The following ITGAV variants were observed in gnomAD, a reference collection of about 807,000 sequenced individuals.
The protein encoded by ITGAV is integrin alpha-V.
A neutral mutation model predicts 143.8 loss-of-function variants in ITGAV; 76 were observed. The observed-to-expected ratio is 0.53, with a 90% CI of 0.44 to 0.64. ITGAV has a LOEUF of 0.64. Among genes scored for constraint, ITGAV ranks in the 30% least tolerant of loss-of-function variants. The pLI is 0.00. For synonymous variants in ITGAV, 453 were observed against 446.7 expected (o/e 1.01, Z -0.18); for missense variants, 1,193 against 1,274.7 (o/e 0.94, Z 0.98).
chr2:186,658,126 T>C (rs1688642004), intron 17 of ITGAV, among the ~76,000 whole-genome samples: 1 of 152,116 alleles, frequency 6.6e-6, no homozygotes. Flanking sequence ...AAAAGATACA[T>C]AAACCAAGTT....
intron 3 of ITGAV, among the ~76,000 whole-genome samples, chr2:186,625,035 A>T (rs371554286): frequency 6.6e-6 from 1 of 152,180 alleles, no homozygotes; most frequent in Admixed American, 6.5e-5. Context: ...TACCACTATG[A>T]TAAGAAATTT....
intron 12 of ITGAV, chr2:186,641,840 C>T: frequency 4.0e-6 from 2 of 494,658 alleles, no homozygotes; most frequent in Non-Finnish European, 7.2e-6. Flanking sequence ...AGAATGATTA[C>T]TTTCTGAAAG....
chr2:186,648,128 C>A (rs1252887186), intron 13 of ITGAV, among the ~76,000 whole-genome samples: 2 of 152,150 alleles, frequency 1.3e-5, no homozygotes, highest in Non-Finnish European at 2.9e-5. Context: ...CCCTTTGTAA[C>A]AAATAGCTGC....
chr2:186,619,058 T>C (rs1201331054), intron 2 of ITGAV, among the ~76,000 whole-genome samples: 1 of 146,994 alleles, frequency 6.8e-6, no homozygotes. Context: ...TATATGTATG[T>C]ATGTGTATAT....
chr2:186,676,885 G>A lies in ITGAV; in HGVS notation c.3001G>A (p.Val1001Ile). 6.2e-7 allele frequency: 1 copy of A among 1,614,070 alleles called. No homozygotes were observed. The highest frequency in any genetic ancestry group is 8.5e-7 in the Non-Finnish European group (1 of 1,179,978). Reference protein sequence around the residue: ...PVPVWVIILAVLAGLLLLAVL... With the variant: ...PVPVWVIILAILAGLLLLAVL... Reference sequence around the variant, plus strand: ...GCCTGTGTGGGTGATCATTTTAGCAGTTCTAGCAGGATTGTTGCTACTGGC... The same window carrying A: ...GCCTGTGTGGGTGATCATTTTAGCAATTCTAGCAGGATTGTTGCTACTGGC... The change falls in exon 29 of 30, where the codon GTT becomes ATT. Residue 1001 changes from valine (V) to isoleucine (I), a missense_variant. Val to Ile is a conservative substitution (Grantham distance 29). Transcript: ENST00000261023.
chr2:186,644,081 C>T (rs1303743284), intron 12 of ITGAV, among the ~76,000 whole-genome samples: 1 of 152,100 alleles, frequency 6.6e-6, no homozygotes, highest in Non-Finnish European at 1.5e-5. Flanking sequence ...GTAGCTGGGA[C>T]TACCAATGTG....
At position 186,625,526 on chromosome 2, in the gene ITGAV, T is replaced by C. The variant is rs1292363029; in HGVS notation, c.462T>C (p.Pro154=). 1 of 1,613,918 alleles carries C rather than the reference T, an allele frequency of 6.2e-7. No homozygotes were observed. Among genetic ancestry groups the C allele is most frequent in the Non-Finnish European group, 8.5e-7 (1 of 1,179,996 alleles). Residue 154 remains proline (P), a synonymous_variant, in exon 4 of 30, where the codon CCT becomes CCC. Coordinates refer to ENST00000261023, the MANE Select transcript of ITGAV (RefSeq NM_002210.5). ...WRTEMKQERE[P]VGTCFLQDGT... Reference sequence around the variant, plus strand: ...CTGAGATGAAACAGGAGCGAGAGCCTGTTGGAACATGCTTTCTTCAAGATG... The same window carrying C: ...CTGAGATGAAACAGGAGCGAGAGCCCGTTGGAACATGCTTTCTTCAAGATG...
chr2:186,675,807 T>C lies in ITGAV; in HGVS notation c.2821-13T>C. ...GATATCTGGGAAATCATCTAATTGT[T>C]ATTTCCAAACAGAAAGAAAATCAGA... On this transcript the variant is annotated splice_polypyrimidine_tract_variant and intron_variant, in intron 27 of 29. Transcript: ENST00000261023. 6.4e-7 allele frequency: 1 copy of C among 1,570,266 alleles called. No individual in the cohort carries two copies. Among genetic ancestry groups the C allele is most frequent in the Non-Finnish European group, 8.7e-7 (1 of 1,143,154 alleles).
intron 12 of ITGAV, among the ~76,000 whole-genome samples, chr2:186,645,218 G>C (rs1329756686): frequency 6.6e-6 from 1 of 152,158 alleles, no homozygotes; most frequent in African/African-American, 2.4e-5. Flanking sequence ...GTAGGGGGTC[G>C]AGAGGGGTGG....
Position 186,593,771 on chromosome 2 carries a change from T to A in ITGAV, c.185+3248T>A, listed in dbSNP as rs984583979. On this transcript the variant is annotated intron_variant, in intron 1 of 29. Transcript: ENST00000261023. ...GGCAGAACCGTTTGCAGTCTAGTTA[T>A]TTGAGTAGGTTGGTGTGAGTAGAGG... 3.9e-5 allele frequency among the ~76,000 whole-genome samples: 3 copies of A among 77,464 alleles called. No individual in the cohort carries two copies. In the East Asian group the frequency reaches 2.1e-3, roughly 54 times the overall value. The allele number at this position is 77,464 out of a possible 152,430, so 50.8% of individuals were successfully genotyped here.
At chr2:186,602,714 TA>T (rs1391694105) in intron 2 of ITGAV, among the ~76,000 whole-genome samples, 3 of 151,962 alleles carry the variant, frequency 2.0e-5, no homozygotes, top group African/African-American at 7.3e-5. Flanking sequence ...CCATCTCTAC[TA>T]AAAATACAAA....
intron 17 of ITGAV, among the ~76,000 whole-genome samples, chr2:186,657,577 T>G (rs148373292): frequency 2.1e-3 from 323 of 152,216 alleles, no homozygotes; most frequent in African/African-American, 7.4e-3. Context: ...ATCACAACAG[T>G]AGAATGTAAA....
At chr2:186,662,709 T>A (rs1190572818) in intron 18 of ITGAV, among the ~76,000 whole-genome samples, 1 of 152,224 alleles carries the variant, frequency 6.6e-6, no homozygotes, top group Non-Finnish European at 1.5e-5. Context: ...AGAAACAGAA[T>A]GCAAAATATT....
rs1289481603 is a variant in ITGAV, at chr2:186,680,284, C to A, written c.*2992C>A. 1 of 152,270 alleles carries A rather than the reference C, an allele frequency of 6.6e-6. No individual in the cohort carries two copies. Among genetic ancestry groups the A allele is most frequent in the African/African-American group, 2.4e-5 (1 of 41,414 alleles). The allele number at this position is 152,270 out of a possible 1,614,324, so 9.4% of individuals were successfully genotyped here. On this transcript the variant is annotated 3_prime_UTR_variant, in exon 30 of 30. Transcript: ENST00000261023. ...AAAATGATTGTAGGATCAAAAAAGG[C>A]AGATGAAATTACTTAATACTCAGTG... is the stretch of plus-strand genomic sequence containing the variant.
intron 29 of ITGAV, 89 bp from the exon 30 acceptor site, chr2:186,677,108 T>C (rs866360151): frequency 1.6e-5 from 20 of 1,268,276 alleles, no homozygotes; most frequent in Non-Finnish European, 2.2e-5. Flanking sequence ...ACAATTTAAA[T>C]GTTCTTAGTG....
At position 186,639,144 on chromosome 2, in the gene ITGAV, A is replaced by G. The variant is rs537927062; in HGVS notation, c.903+679A>G. Among the ~76,000 whole-genome samples the G allele has an allele frequency of 1.5e-4, 23 of 152,328 alleles. No individual in the cohort carries two copies. In the South Asian group the frequency reaches 4.6e-3, roughly 30 times the overall value. On this transcript the variant is annotated intron_variant, in intron 10 of 29. Coordinates refer to ENST00000261023, the MANE Select transcript of ITGAV (RefSeq NM_002210.5). ...ATTTCTCAGCTAAAAAAATGCTAGT[A>G]CTTTTTAAGTATTAGACATTTCTCT... is the stretch of plus-strand genomic sequence containing the variant.
At chr2:186,654,170 TAAAAATAC>T (rs1340923801) in intron 15 of ITGAV, among the ~76,000 whole-genome samples, 1 of 152,006 alleles carries the variant, frequency 6.6e-6, no homozygotes, top group East Asian at 1.9e-4. Flanking sequence ...CTGTCTCTAC[TAAAAATAC>T]AAAAATTAGC....
rs1230883573 is a variant in ITGAV, at chr2:186,600,425, GA to G, written c.186-1595del. The G allele has an allele frequency of 5.9e-6, 9 of 1,537,656 alleles. No individual in the cohort carries two copies. The East Asian group carries it at 2.0e-4, about 34-fold the overall frequency. On this transcript the variant is annotated intron_variant, in intron 1 of 29. Transcript: ENST00000261023. ...ACTTCTCTGTCTACTTTATCTAAAA[GA>G]GAACTTTCTTCCCCATTCTTTAAAG...
chr2:186,613,380 C>A (rs1418770773), intron 2 of ITGAV, among the ~76,000 whole-genome samples: 2 of 152,150 alleles, frequency 1.3e-5, no homozygotes, highest in Non-Finnish European at 2.9e-5. Flanking sequence ...TAATAACTAA[C>A]TAACTCAATG....
Sources: allele counts gnomAD v4.1 joint callset (sites outside exome capture counted in the v4.1 genomes callset), GRCh38; gene constraint gnomAD v4.1.1; transcripts MANE v1.5; gene names NCBI Gene and HGNC (gene_info 2026-07-23, HGNC 2026-07-21).